The following SGCZ variants were observed in gnomAD, a reference collection of about 807,000 sequenced individuals.
SGCZ encodes the protein zeta-sarcoglycan.
SGCZ carries 40 observed loss-of-function variants against 41.3 expected under a neutral mutation model. That is an observed-to-expected ratio of 0.97 (90% CI 0.75 to 1.26). The LOEUF is 1.26. Among genes scored for constraint, SGCZ ranks in the 50% most tolerant of loss-of-function variants. The probability of loss-of-function intolerance (pLI) is 0.00; values close to 1 mark genes in which losing one functional copy is unlikely to be tolerated. For missense variants in SGCZ, 552 were observed against 369.8 expected, an observed-to-expected ratio of 1.49 and a Z score of -4.04; for synonymous variants, 206 against 137.5, an observed-to-expected ratio of 1.50 and a Z score of -3.49.
At chr8:14,366,904 A>G (rs780515962) in intron 2 of SGCZ, among the ~76,000 whole-genome samples, 3 of 152,114 alleles carry the variant, frequency 2.0e-5, no homozygotes, top group Admixed American at 6.6e-5. Context: ...GGTCTGTAAC[A>G]TACCCTGGAG....
chr8:14,237,843 G>C (rs891000680), intron 3 of SGCZ, among the ~76,000 whole-genome samples, 164 bp from the exon 4 acceptor site: 1 of 152,180 alleles, frequency 6.6e-6, no homozygotes, highest in Non-Finnish European at 1.5e-5. Context: ...GTACAAAACT[G>C]AGAGCCTCAT....
chr8:15,234,348 A>G (rs895244416), intron 1 of SGCZ, among the ~76,000 whole-genome samples: 1 of 152,188 alleles, frequency 6.6e-6, no homozygotes, highest in Non-Finnish European at 1.5e-5. Context: ...GCAGCAACCC[A>G]TATTTTGGAT....
chr8:14,317,917 G>A (rs1443032367), intron 3 of SGCZ, among the ~76,000 whole-genome samples: 2 of 151,324 alleles, frequency 1.3e-5, no homozygotes, highest in Non-Finnish European at 2.9e-5. Context: ...CAAAATGCAC[G>A]ATAGGCAAAA....
At chr8:14,565,203 ATT>A (rs945163263) in intron 1 of SGCZ, among the ~76,000 whole-genome samples, 1 of 152,100 alleles carries the variant, frequency 6.6e-6, no homozygotes, top group Non-Finnish European at 1.5e-5. Context: ...TTAAAAAATA[ATT>A]TTTTTCAGTC....
At chr8:14,103,966 C>G (rs1014191513) in intron 6 of SGCZ, among the ~76,000 whole-genome samples, 1 of 152,162 alleles carries the variant, frequency 6.6e-6, no homozygotes, top group Admixed American at 6.5e-5. Flanking sequence ...TCTAGAACTA[C>G]GCAGACTCTT....
At chr8:14,508,018 G>T (rs1019112720) in intron 2 of SGCZ, among the ~76,000 whole-genome samples, 1 of 151,942 alleles carries the variant, frequency 6.6e-6, no homozygotes, top group African/African-American at 2.4e-5. Context: ...TGATCTGGCC[G>T]CCTCGGCCTC....
At chr8:14,789,679 T>G (rs1800886032) in intron 1 of SGCZ, among the ~76,000 whole-genome samples, 2 of 152,190 alleles carry the variant, frequency 1.3e-5, no homozygotes, top group South Asian at 4.1e-4. Flanking sequence ...TTGTACTTCC[T>G]GGAACAATCC....
chr8:15,177,679 T>G (rs1013269764), intron 1 of SGCZ, among the ~76,000 whole-genome samples: 2 of 152,200 alleles, frequency 1.3e-5, no homozygotes, highest in African/African-American at 4.8e-5. Flanking sequence ...GGGCAATCTG[T>G]AGTGATCTAA....
intron 1 of SGCZ, among the ~76,000 whole-genome samples, chr8:14,890,034 T>A (rs1004523817): frequency 1.3e-5 from 2 of 151,932 alleles, no homozygotes; most frequent in African/African-American, 4.8e-5. Flanking sequence ...CTGGCCAATA[T>A]GGTGAAACTC....
intron 3 of SGCZ, among the ~76,000 whole-genome samples, chr8:14,253,322 C>G (rs73519419): frequency 6.6e-6 from 1 of 150,766 alleles, no homozygotes; most frequent in East Asian, 2.0e-4. Flanking sequence ...TTATGAATTG[C>G]CAGATCTTAC....
At chr8:14,359,281 G>C (rs4831577) in intron 2 of SGCZ, among the ~76,000 whole-genome samples, 2 of 152,152 alleles carry the variant, frequency 1.3e-5, no homozygotes, top group Non-Finnish European at 2.9e-5. Flanking sequence ...TATGTCTAGC[G>C]GTTGACTTCA....
intron 1 of SGCZ, among the ~76,000 whole-genome samples, chr8:14,706,154 C>G (rs17116185): frequency 6.6e-6 from 1 of 151,924 alleles, no homozygotes; most frequent in East Asian, 1.9e-4. Context: ...GAAATCTTAT[C>G]TGTAAATTAG....
intron 2 of SGCZ, among the ~76,000 whole-genome samples, chr8:14,469,176 T>C (rs1801139315): frequency 6.6e-6 from 1 of 152,180 alleles, no homozygotes; most frequent in African/African-American, 2.4e-5. Context: ...ACATGGCTTT[T>C]AAACATCCTT....
chr8:14,814,166 C>T (rs1378524829), intron 1 of SGCZ, among the ~76,000 whole-genome samples: 1 of 152,104 alleles, frequency 6.6e-6, no homozygotes, highest in African/African-American at 2.4e-5. Context: ...TAATAAGTTA[C>T]AGAATAGAAT....
intron 1 of SGCZ, among the ~76,000 whole-genome samples, chr8:14,702,849 A>G (rs1257254629): frequency 7.1e-6 from 1 of 140,048 alleles, no homozygotes; most frequent in Non-Finnish European, 1.6e-5. Flanking sequence ...AGATAGATAG[A>G]TAGATAGATA....
At chr8:14,988,447 G>A (rs1801899765) in intron 1 of SGCZ, among the ~76,000 whole-genome samples, 1 of 151,710 alleles carries the variant, frequency 6.6e-6, no homozygotes, top group Non-Finnish European at 1.5e-5. Context: ...GTATTTGCTA[G>A]TGCTGTCTTG....
At chr8:14,829,075 A>AC (rs2130593952) in intron 1 of SGCZ, among the ~76,000 whole-genome samples, 1 of 152,178 alleles carries the variant, frequency 6.6e-6, no homozygotes, top group African/African-American at 2.4e-5. Context: ...ACCTTTGTGT[A>AC]ACAAAGGTTT....
rs149960289 is a variant in SGCZ, at chr8:14,730,679, T to C, written c.40-175753A>G. ...CTATGACTCTTTTTCCAGATCTTTA[T>C]TATGTCACCGGGGACTGGGGCCAAC... On this transcript the variant is annotated intron_variant, in intron 1 of 7. Transcript: ENST00000382080. Among the ~76,000 whole-genome samples, 580 of 151,894 alleles carry C rather than the reference T, an allele frequency of 3.8e-3. 6 individuals carry two copies. The highest frequency in any genetic ancestry group is 0.011 in the Admixed American group (163 of 15,264).
At chr8:15,010,352 T>C (rs190938742) in intron 1 of SGCZ, among the ~76,000 whole-genome samples, 1 of 152,200 alleles carries the variant, frequency 6.6e-6, no homozygotes, top group Non-Finnish European at 1.5e-5. Context: ...ACCTCATCTA[T>C]CATTTATAGA....
Sources: gnomAD v4.1 joint callset for allele counts (sites outside exome capture counted in the v4.1 genomes callset) on GRCh38, gnomAD v4.1.1 for gene constraint, MANE v1.5 for transcripts, NCBI Gene and HGNC (gene_info 2026-07-23, HGNC 2026-07-21) for gene names.